The following UBR3 variants were observed in gnomAD, a reference collection of about 807,000 sequenced individuals.
UBR3 encodes E3 ubiquitin-protein ligase UBR3.
In UBR3, 85 loss-of-function variants were observed where a neutral mutation model predicts 243.2. The ratio of observed to expected loss-of-function variants is 0.35; its 90% CI spans 0.29 to 0.42. The LOEUF is 0.42. Among genes scored for constraint, UBR3 ranks in the 10% least tolerant of loss-of-function variants. The pLI, the probability that UBR3 is intolerant of heterozygous loss-of-function variation, is 1.00. For synonymous variants in UBR3, 748 were observed against 799.8 expected (o/e 0.94, Z 1.09); for missense variants, 1,686 against 2,300.8 (o/e 0.73, Z 5.47).
At chr2:169,839,131 A>G (rs1012070302) in intron 1 of UBR3, among the ~76,000 whole-genome samples, 6 of 152,256 alleles carry the variant, frequency 3.9e-5, no homozygotes, top group Admixed American at 6.5e-5. Context: ...ATGCCCACCA[A>G]TGGAAGAATG....
chr2:170,081,109 T>G (rs892433517), intron 38 of UBR3, among the ~76,000 whole-genome samples: 1 of 152,160 alleles, frequency 6.6e-6, no homozygotes, highest in South Asian at 2.1e-4. Context: ...AAGGATCGCT[T>G]GAGCCCAGCA....
At chr2:169,956,300 T>TTATATATATA (rs145201293) in intron 23 of UBR3, among the ~76,000 whole-genome samples, 22 of 147,042 alleles carry the variant, frequency 1.5e-4, no homozygotes, top group African/African-American at 4.7e-4. Flanking sequence ...AACTAAAATG[T>TTATATATATA]TATATATATA....
intron 5 of UBR3, among the ~76,000 whole-genome samples, chr2:169,890,539 A>ATATAT (rs1383925309): frequency 3.8e-5 from 2 of 52,406 alleles, no homozygotes; most frequent in East Asian, 1.3e-3. Context: ...AGAGAGAGAG[A>ATATAT]GATATATATA....
chr2:170,027,314 C>T (rs578060837), intron 30 of UBR3, among the ~76,000 whole-genome samples: 1 of 150,614 alleles, frequency 6.6e-6, no homozygotes, highest in Non-Finnish European at 1.5e-5. Context: ...ATTTAAATAT[C>T]ATTTAAAGAT....
At chr2:169,884,887 A>C (rs1441877253) in intron 5 of UBR3, among the ~76,000 whole-genome samples, 1 of 152,224 alleles carries the variant, frequency 6.6e-6, no homozygotes. Flanking sequence ...TAATTATTAT[A>C]GAATAGAATA....
chr2:170,051,637 G>A (rs761257976), intron 32 of UBR3, among the ~76,000 whole-genome samples: 123 of 152,204 alleles, frequency 8.1e-4, no homozygotes, highest in African/African-American at 2.7e-3. Flanking sequence ...GAGCCACCGC[G>A]CCCGGCCACA....
At chr2:169,999,044 CCTGCATTTTTTGA>C (rs1450857942) in intron 26 of UBR3, among the ~76,000 whole-genome samples, 1 of 152,152 alleles carries the variant, frequency 6.6e-6, no homozygotes, top group East Asian at 1.9e-4. Context: ...TAAGTGTTAT[CCTGCATTTTTTGA>C]CTGGCAAACT....
At position 169,899,127 on chromosome 2, in the gene UBR3, C is replaced by T. The variant is rs571823485; in HGVS notation, c.1465+2392C>T. Among the ~76,000 whole-genome samples the T allele has an allele frequency of 5.0e-4, 76 of 152,082 alleles. 1 individual carries two copies. The highest frequency in any genetic ancestry group is 2.1e-4 in the South Asian group (1 of 4,810). On this transcript the variant is annotated intron_variant, in intron 8 of 38. Transcript: ENST00000272793. ...CCGAGTAGCTGGGACTACAGGCGCCCGCCACCATGCCCGGCTAATTTTTTG... is the reference window on the plus strand; with the variant it reads ...CCGAGTAGCTGGGACTACAGGCGCCTGCCACCATGCCCGGCTAATTTTTTG...
intron 36 of UBR3, among the ~76,000 whole-genome samples, chr2:170,073,878 TA>T (rs905644203): frequency 3.4e-4 from 52 of 152,312 alleles, no homozygotes; most frequent in African/African-American, 1.3e-3. Flanking sequence ...TTAGACTTGG[TA>T]GATACAAAGG....
At chr2:170,040,394 C>G (rs1012599891) in intron 31 of UBR3, among the ~76,000 whole-genome samples, 8 of 152,180 alleles carry the variant, frequency 5.3e-5, no homozygotes, top group Non-Finnish European at 1.0e-4. Context: ...GCATGAGCCA[C>G]TGTGCTCGGC....
rs762320720 is a variant in UBR3, at chr2:170,061,463, T to C, written c.5019+20T>C. On this transcript the variant is annotated intron_variant, in intron 35 of 38. Transcript: ENST00000272793. ...TGCCAGGTAGATAATTTGGGATATG[T>C]AAGAGGGAGCTTTTTTTTTTTTCAG... is the stretch of plus-strand genomic sequence containing the variant. 6.5e-7 allele frequency: 1 copy of C among 1,541,764 alleles called. No homozygotes were observed. The highest frequency in any genetic ancestry group is 8.7e-7 in the Non-Finnish European group (1 of 1,151,514).
At chr2:169,945,956 T>C (rs2086776109) in intron 20 of UBR3, among the ~76,000 whole-genome samples, 1 of 152,158 alleles carries the variant, frequency 6.6e-6, no homozygotes. Context: ...AAACATTTAT[T>C]GTGCTGCCAG....
In UBR3 at chr2:170,068,487, C is replaced by T. The variant is rs75586094; in HGVS notation, c.5020-4941C>T. ...TGTCTCAAAAAAATTAAAAAATGAA[C>T]GAACGCATAAAAATTAAAAAGAAGA... On this transcript the variant is annotated intron_variant, in intron 35 of 38. Coordinates refer to ENST00000272793, the MANE Select transcript of UBR3 (RefSeq NM_172070.4). Among the ~76,000 whole-genome samples, 152 of 151,840 alleles carry T rather than the reference C, an allele frequency of 1.0e-3. 1 individual carries two copies. In the East Asian group the frequency reaches 0.02, roughly 20 times the overall value.
chr2:169,932,474 G>A (rs2086172429), intron 18 of UBR3, among the ~76,000 whole-genome samples: 2 of 151,848 alleles, frequency 1.3e-5, no homozygotes, highest in African/African-American at 4.8e-5. Context: ...TTGTTGCCTG[G>A]GCTGGTCTCA....
At chr2:169,949,148 A>G (rs866752762) in intron 22 of UBR3, among the ~76,000 whole-genome samples, 25 of 152,160 alleles carry the variant, frequency 1.6e-4, no homozygotes, top group Admixed American at 3.9e-4. Context: ...ATTAATTACT[A>G]GTTCAGATTT....
In UBR3 at chr2:170,083,048, A is replaced by G. The variant is rs189578838; in HGVS notation, c.*1205A>G. 731 of 152,756 alleles carry G rather than the reference A, an allele frequency of 4.8e-3. 3 individuals carry two copies. The highest frequency in any genetic ancestry group is 7.3e-3 in the Non-Finnish European group (494 of 68,012). The allele number at this position is 152,756 out of a possible 1,614,324, so 9.5% of individuals were successfully genotyped here. A position where few individuals can be genotyped will look rare whatever the true frequency, so the allele number is the denominator to read the frequency against. ...TTGCTACAAAGATTTTTTTTCCTAA[A>G]TGATTCAGTAATTGAATGATTATTT... On this transcript the variant is annotated 3_prime_UTR_variant, in exon 39 of 39. Transcript: ENST00000272793.
chr2:169,964,156 A>G (rs2087704438), intron 24 of UBR3, among the ~76,000 whole-genome samples: 1 of 152,152 alleles, frequency 6.6e-6, no homozygotes, highest in African/African-American at 2.4e-5. Context: ...AAGTATAACA[A>G]ATTTTAAATT....
In UBR3 at chr2:169,932,894, C is replaced by T. The variant is rs1232460713; in HGVS notation, c.2567-18C>T. The stretch of plus-strand genomic sequence containing the variant: ...TATTTCTGAGAAGTCAATGTTTCTA[C>T]TTTCTTTTGAATAATAGCTGAAGTC... On this transcript the variant is annotated intron_variant, in intron 18 of 38. Transcript: ENST00000272793. 1 of 1,534,220 alleles carries T rather than the reference C, an allele frequency of 6.5e-7. No individual in the cohort carries two copies. Among genetic ancestry groups the T allele is most frequent in the Admixed American group, 2.1e-5 (1 of 48,374 alleles).
rs1368321679 is a variant in UBR3 at position 170,016,037 on chromosome 2, T to G, written c.4453+671T>G. ...TTGCCCCAGATCACTGAAGTTGAAA[T>G]ATTACCTAATGTGATTGGTGTAGGA... On this transcript the variant is annotated intron_variant, in intron 30 of 38. Transcript: ENST00000272793. Among the ~76,000 whole-genome samples, 5 of 151,990 alleles carry G rather than the reference T, an allele frequency of 3.3e-5. No individual in the cohort carries two copies. In the East Asian group the frequency reaches 9.6e-4, roughly 29 times the overall value.
Sources: allele counts gnomAD v4.1 joint callset (sites outside exome capture counted in the v4.1 genomes callset), GRCh38; gene constraint gnomAD v4.1.1; transcripts MANE v1.5; gene names NCBI Gene and HGNC (gene_info 2026-07-23, HGNC 2026-07-21).